Variants in FAT1 observed in about 807,000 individuals in gnomAD.
FAT1 encodes FAT atypical cadherin 1, also known as protocadherin Fat 1.
A neutral mutation model predicts 329.8 loss-of-function variants in FAT1; 171 were observed. That is an observed-to-expected ratio of 0.52 (90% CI 0.46 to 0.59). The LOEUF (loss-of-function observed/expected upper bound fraction) is 0.59, where lower values mean the gene tolerates loss of function less well. Ranked by LOEUF, FAT1 falls within the 20% of genes least tolerant of loss-of-function variation. The pLI, the probability that FAT1 is intolerant of heterozygous loss-of-function variation, is 0.00. For missense variants in FAT1, 5,672 were observed against 5,774.4 expected (o/e 0.98, Z 0.57); for synonymous variants, 2,233 against 2,228.6 (o/e 1.00, Z -0.06).
At chr4:186,663,213 T>G in intron 3 of FAT1, 86 bp downstream of exon 3, 1 of 1,003,584 alleles carries the variant, frequency 1.0e-6, no homozygotes, top group Non-Finnish European at 1.5e-6. Flanking sequence ...AACAAAAGTA[T>G]GTAACAGATA....
At chr4:186,672,714 G>A (rs1742787493) in intron 2 of FAT1, among the ~76,000 whole-genome samples, 1 of 152,182 alleles carries the variant, frequency 6.6e-6, no homozygotes, top group Non-Finnish European at 1.5e-5. Flanking sequence ...CAACCTGCCA[G>A]AAGTCACACA....
rs1281970933 is a variant in FAT1, at chr4:186,627,113, A to G, written c.4810+1041T>C. Among the ~76,000 whole-genome samples the G allele has an allele frequency of 8.5e-5, 10 of 118,166 alleles. 1 individual carries two copies. The highest frequency in any genetic ancestry group is 3.5e-4 in the African/African-American group (9 of 25,802). The allele number at this position is 118,166 out of a possible 152,430, so 77.5% of individuals were successfully genotyped here. A position where few individuals can be genotyped will look rare whatever the true frequency, so the allele number is the denominator to read the frequency against. On this transcript the variant is annotated intron_variant, in intron 9 of 26. Transcript: ENST00000441802. ...GAATGAATGAATGAATGAATGAATGAGGGACCAACATGGCACCTGGCACAT... is the reference window on the plus strand; with the variant it reads ...GAATGAATGAATGAATGAATGAATGGGGGACCAACATGGCACCTGGCACAT...
intron 3 of FAT1, among the ~76,000 whole-genome samples, chr4:186,651,789 G>A (rs1379508464): frequency 6.6e-6 from 1 of 152,222 alleles, no homozygotes; most frequent in East Asian, 1.9e-4. Context: ...GCTCTGGACT[G>A]TGAGCTCGGA....
Position 186,618,767 on chromosome 4 carries a change from A to C in FAT1, c.7819T>G (p.Ser2607Ala), listed in dbSNP as rs2126498716. 6.2e-7 allele frequency: 1 copy of C among 1,613,966 alleles called. No individual in the cohort carries two copies. Among genetic ancestry groups the C allele is most frequent in the South Asian group, 1.1e-5 (1 of 91,080 alleles). Residue 2607 changes from serine to alanine, a missense_variant, in exon 10 of 27, where the codon TCC (serine) becomes GCC (alanine). Ser to Ala is a moderately conservative substitution (Grantham distance 99). Coordinates refer to ENST00000441802, the MANE Select transcript of FAT1 (RefSeq NM_005245.4). ...RATKYEVNIG[S>A]SAAKGTSVVK... is the part of the protein sequence containing the mutation. ...ACTGAAGTCCCTTTAGCAGCACTGG[A>C]CCCGATATTCACTTCGTATTTGGTT...
chr4:186,621,696 T>G lies in FAT1; in HGVS notation c.4890A>C (p.Gln1630His). 1 of 1,613,786 alleles carries G rather than the reference T, an allele frequency of 6.2e-7. No homozygotes were observed. The highest frequency in any genetic ancestry group is 1.3e-5 in the African/African-American group (1 of 75,048). ...KTAKELDRSN[Q>H]AEYDLMVKAT... ...CTTTTACCATTAAATCATACTCCGCTTGGTTACTTCGATCTAATTCTTTGG... is the reference window on the plus strand; with the variant it reads ...CTTTTACCATTAAATCATACTCCGCGTGGTTACTTCGATCTAATTCTTTGG... The change falls in exon 10 of 27, where the codon CAA (glutamine) becomes CAC (histidine). Residue 1630 changes from glutamine (Q) to histidine (H), a missense_variant. Gln to His is a conservative substitution (Grantham distance 24, BLOSUM62 0). Around this residue, in one of 2 missense-constraint regions of FAT1, gnomAD observed 3,966 missense variants for 3,915.2 expected, o/e 1.01. Coordinates refer to ENST00000441802, the MANE Select transcript of FAT1 (RefSeq NM_005245.4).
At chr4:186,690,282 A>C (rs1743691893) in intron 2 of FAT1, among the ~76,000 whole-genome samples, 1 of 152,206 alleles carries the variant, frequency 6.6e-6, no homozygotes, top group African/African-American at 2.4e-5. Flanking sequence ...ACAATCAGAA[A>C]CAAAACCATT....
At chr4:186,631,077 C>T (rs1740561356) in intron 7 of FAT1, among the ~76,000 whole-genome samples, 2 of 152,118 alleles carry the variant, frequency 1.3e-5, no homozygotes, top group African/African-American at 4.8e-5. Context: ...GGAGGCTGCC[C>T]GCTTGACTCA....
intron 9 of FAT1, among the ~76,000 whole-genome samples, chr4:186,626,082 C>G (rs1173433228): frequency 6.4e-5 from 7 of 110,038 alleles, no homozygotes; most frequent in Non-Finnish European, 1.1e-4. Context: ...CATCAGCCTA[C>G]AGAATGAATG....
In FAT1 at chr4:186,709,017, G is replaced by A. The variant is rs771355532; in HGVS notation, c.811C>T (p.Pro271Ser). 3.1e-6 allele frequency: 5 copies of A among 1,613,942 alleles called. No homozygotes were observed. Among genetic ancestry groups the A allele is most frequent in the Non-Finnish European group, 4.2e-6 (5 of 1,179,894 alleles). ...TLSPSELDRD[P>S]AYAIVTVDDC... Reference sequence around the variant, plus strand: ...TCCACTGTCACAATTGCATATGCTGGGTCCCTGTCCAGTTCTGATGGTGAC... The same window carrying A: ...TCCACTGTCACAATTGCATATGCTGAGTCCCTGTCCAGTTCTGATGGTGAC... Residue 271 changes from proline (P) to serine (S), a missense_variant, in exon 2 of 27, where the codon CCA becomes TCA. Physicochemically the swap from Pro to Ser is moderately conservative, Grantham distance 74. This residue lies in a region of FAT1 where 3,966 missense variants were observed against 3,915.2 expected (regional missense o/e 1.01). Coordinates refer to ENST00000441802, the MANE Select transcript of FAT1 (RefSeq NM_005245.4).
intron 3 of FAT1, among the ~76,000 whole-genome samples, chr4:186,659,393 G>C (rs1742061766): frequency 6.6e-6 from 1 of 152,190 alleles, no homozygotes; most frequent in South Asian, 2.1e-4. Context: ...GGACGTTTAG[G>C]ATAATCACCA....
chr4:186,629,480 T>C (rs1579352878), intron 7 of FAT1, among the ~76,000 whole-genome samples: 2 of 152,262 alleles, frequency 1.3e-5, no homozygotes, highest in African/African-American at 2.4e-5. Context: ...AAACAAAACT[T>C]TGACAGTAAG....
chr4:186,612,144 AT>A (rs1196177168), intron 13 of FAT1, among the ~76,000 whole-genome samples: 2 of 151,436 alleles, frequency 1.3e-5, no homozygotes, highest in African/African-American at 4.9e-5. Flanking sequence ...ACCAAACAAA[AT>A]TTTTTTAGAA....
At chr4:186,640,935 G>C (rs1475285604) in intron 3 of FAT1, among the ~76,000 whole-genome samples, 2 of 152,192 alleles carry the variant, frequency 1.3e-5, no homozygotes, top group African/African-American at 4.8e-5. Context: ...ACAATCACCA[G>C]GGCTGAACGT....
At chr4:186,645,878 C>T (rs1367019221) in intron 3 of FAT1, among the ~76,000 whole-genome samples, 8 of 145,588 alleles carry the variant, frequency 5.5e-5, no homozygotes, top group African/African-American at 1.8e-4. Context: ...CCTGGGAAGC[C>T]GAGGTTGCAG....
chr4:186,695,752 A>C (rs1743995682), intron 2 of FAT1, among the ~76,000 whole-genome samples: 1 of 121,916 alleles, frequency 8.2e-6, no homozygotes, highest in South Asian at 2.7e-4. Context: ...AATATGTATT[A>C]TATATAAAAC....
intron 16 of FAT1, among the ~76,000 whole-genome samples, chr4:186,608,736 T>C (rs1739258111): frequency 6.6e-6 from 1 of 152,190 alleles, no homozygotes; most frequent in Non-Finnish European, 1.5e-5. Flanking sequence ...TACCTTCCTA[T>C]TTTATCTCAC....
intron 26 of FAT1, among the ~76,000 whole-genome samples, chr4:186,589,694 T>A (rs984918513): frequency 6.6e-6 from 1 of 152,032 alleles, no homozygotes; most frequent in Admixed American, 6.6e-5. Context: ...CTTAAAAAAA[T>A]TTTGCATTTC....
Position 186,648,374 on chromosome 4 carries a change from T to C in FAT1, c.3581-8591A>G, listed in dbSNP as rs758513107. On this transcript the variant is annotated intron_variant, in intron 3 of 26. Coordinates refer to ENST00000441802, the MANE Select transcript of FAT1 (RefSeq NM_005245.4). ...TTAGGCTGGAAAATCTCAAATCAAT[T>C]ATTTTTTAAGCCTTATATACACTAA... 1.2e-3 allele frequency among the ~76,000 whole-genome samples: 181 copies of C among 152,306 alleles called. 3 individuals carry two copies. The highest frequency in any genetic ancestry group is 3.1e-4 in the Non-Finnish European group (21 of 68,030).
chr4:186,699,787 G>A lies in FAT1; in HGVS notation c.3265+6776C>T, dbSNP rs186376184. 2.1e-4 allele frequency among the ~76,000 whole-genome samples: 32 copies of A among 151,298 alleles called. 1 individual carries two copies. The highest frequency in any genetic ancestry group is 6.5e-4 in the African/African-American group (27 of 41,256). ...AAAAACGTGACAAATCCAGCCCTAC[G>A]AACTAAAATAATCCAAAAAGTAAAA... On this transcript the variant is annotated intron_variant, in intron 2 of 26. Coordinates refer to ENST00000441802, the MANE Select transcript of FAT1 (RefSeq NM_005245.4).
Sources: allele counts gnomAD v4.1 joint callset (sites outside exome capture counted in the v4.1 genomes callset), GRCh38; gene constraint gnomAD v4.1.1; regional missense constraint gnomAD v4.1.1; transcripts MANE v1.5; gene names NCBI Gene and HGNC (gene_info 2026-07-23, HGNC 2026-07-21).